ATP9B: variants seen among roughly 807,000 people sequenced by gnomAD.
ATP9B encodes the protein probable phospholipid-transporting ATPase IIB.
A neutral mutation model predicts 146.1 loss-of-function variants in ATP9B; 110 were observed. The ratio of observed to expected loss-of-function variants is 0.75; its 90% CI spans 0.65 to 0.88. The LOEUF (loss-of-function observed/expected upper bound fraction) is 0.88. ATP9B is among the 40% of genes least tolerant of loss of function. The pLI is 0.00. For missense variants in ATP9B, 1,499 were observed against 1,496.4 expected, an observed-to-expected ratio of 1.00 and a Z score of -0.03; for synonymous variants, 604 against 569.7, an observed-to-expected ratio of 1.06 and a Z score of -0.86.
intron 11 of ATP9B, among the ~76,000 whole-genome samples, chr18:79,225,964 A>G (rs192262158): frequency 6.6e-6 from 1 of 152,158 alleles, no homozygotes; most frequent in Non-Finnish European, 1.5e-5. Context: ...GCATCTTTCT[A>G]TTCTTGGCTC....
chr18:79,142,426 A>G (rs1040109837), intron 5 of ATP9B, among the ~76,000 whole-genome samples: 3 of 152,172 alleles, frequency 2.0e-5, no homozygotes, highest in African/African-American at 7.2e-5. Context: ...TGTTGATTAC[A>G]GAGAATGTGA....
intron 5 of ATP9B, among the ~76,000 whole-genome samples, chr18:79,133,508 AAC>A (rs370697424): frequency 0.15 from 22,302 of 147,374 alleles, 1,656 homozygotes; most frequent in East Asian, 0.21. Flanking sequence ...AGTGGTTATA[AAC>A]ACACACACAC....
intron 8 of ATP9B, among the ~76,000 whole-genome samples, chr18:79,183,805 A>C (rs2095277306): frequency 2.0e-5 from 3 of 147,898 alleles, no homozygotes; most frequent in Admixed American, 2.0e-4. Flanking sequence ...AAAAAAAAAA[A>C]GAAAAACAGT....
chr18:79,360,482 C>T (rs563177081), intron 26 of ATP9B: 1 of 152,132 alleles, frequency 6.6e-6, no homozygotes, highest in African/African-American at 2.4e-5. Context: ...AAACTAGACT[C>T]CTGTCTGTCT....
At chr18:79,242,279 C>T (rs1040779023) in intron 11 of ATP9B, among the ~76,000 whole-genome samples, 1 of 152,166 alleles carries the variant, frequency 6.6e-6, no homozygotes, top group Admixed American at 6.5e-5. Flanking sequence ...ATAGTCAGGG[C>T]ACTAGCCTAT....
At chr18:79,263,881 G>A (rs1037514378) in intron 12 of ATP9B, among the ~76,000 whole-genome samples, 13 of 152,152 alleles carry the variant, frequency 8.5e-5, no homozygotes, top group South Asian at 2.1e-4. Flanking sequence ...TCAGGAGATC[G>A]AGACCATCCT....
chr18:79,271,066 T>G (rs1009967255), intron 12 of ATP9B, among the ~76,000 whole-genome samples: 1 of 152,150 alleles, frequency 6.6e-6, no homozygotes, highest in Admixed American at 6.5e-5. Context: ...TCTCTGGTCT[T>G]TCTTTGATTC....
At chr18:79,204,050 A>G (rs1261742107) in intron 9 of ATP9B, among the ~76,000 whole-genome samples, 2 of 152,214 alleles carry the variant, frequency 1.3e-5, no homozygotes, top group African/African-American at 4.8e-5. Flanking sequence ...TGGTTGTTCT[A>G]TCAAATCATA....
At chr18:79,369,194 C>T (rs555018811) in intron 26 of ATP9B, among the ~76,000 whole-genome samples, 5 of 151,596 alleles carry the variant, frequency 3.3e-5, no homozygotes, top group South Asian at 4.2e-4. Flanking sequence ...GTCAGGAGAT[C>T]GAGACCATCC....
In ATP9B at chr18:79,168,093, C is replaced by T. The variant is rs569328000; in HGVS notation, c.779-8720C>T. ...ATGGAGCATGCAGCCCTAGGCACAC[C>T]TCCCTCATTGCAGTCTTCGCAGCCG... On this transcript the variant is annotated intron_variant, in intron 7 of 29. Transcript: ENST00000426216. Among the ~76,000 whole-genome samples the T allele has an allele frequency of 6.4e-4, 97 of 152,344 alleles. 2 individuals are homozygous for T. Among genetic ancestry groups the T allele is most frequent in the Admixed American group, 5.9e-4 (9 of 15,312 alleles).
intron 13 of ATP9B, among the ~76,000 whole-genome samples, chr18:79,280,159 A>G (rs1037312565): frequency 2.0e-5 from 3 of 152,252 alleles, no homozygotes; most frequent in Non-Finnish European, 4.4e-5. Context: ...AGCAGTGACG[A>G]TGGAGTACGG....
In ATP9B at chr18:79,348,075, G is replaced by A. The variant is rs1000759084; in HGVS notation, c.2839-57G>A. 25 of 1,608,778 alleles carry A rather than the reference G, an allele frequency of 1.6e-5. 1 individual carries two copies. Among genetic ancestry groups the A allele is most frequent in the Non-Finnish European group, 8.5e-7 (1 of 1,175,602 alleles). On this transcript the variant is annotated intron_variant, in intron 24 of 29. Coordinates refer to ENST00000426216, the MANE Select transcript of ATP9B (RefSeq NM_198531.5). ...GTTAGCGAGGCCCCTGAGAGGCTTG[G>A]GGCCACAGGTGCTCGTGGAACTGAC...
chr18:79,235,152 C>T (rs567832902), intron 11 of ATP9B, among the ~76,000 whole-genome samples: 1 of 152,328 alleles, frequency 6.6e-6, no homozygotes, highest in African/African-American at 2.4e-5. Context: ...GGTTGGATTA[C>T]AGGTGTGAGC....
chr18:79,142,755 A>G (rs2094529434), intron 5 of ATP9B, among the ~76,000 whole-genome samples: 1 of 152,256 alleles, frequency 6.6e-6, no homozygotes, highest in African/African-American at 2.4e-5. Context: ...AGAAAAAACT[A>G]CAACATAATG....
At chr18:79,095,983 G>A (rs2074745436) in intron 1 of ATP9B, among the ~76,000 whole-genome samples, 1 of 152,186 alleles carries the variant, frequency 6.6e-6, no homozygotes, top group Non-Finnish European at 1.5e-5. Flanking sequence ...TAAACTGTCA[G>A]CAAACCAAGG....
intron 11 of ATP9B, among the ~76,000 whole-genome samples, chr18:79,251,111 A>T (rs1398176592): frequency 6.6e-6 from 1 of 152,234 alleles, no homozygotes; most frequent in East Asian, 1.9e-4. Context: ...TCACTATTTC[A>T]TATAAAACTG....
At chr18:79,195,859 T>C (rs1568377865) in intron 9 of ATP9B, among the ~76,000 whole-genome samples, 1 of 152,114 alleles carries the variant, frequency 6.6e-6, no homozygotes, top group South Asian at 2.1e-4. Flanking sequence ...ATGTGGAAGA[T>C]TGGCAAGAAA....
intron 25 of ATP9B, 52 bp downstream of exon 25, chr18:79,348,248 GAAAA>G (rs56654324): frequency 0.063 from 50,737 of 805,620 alleles, 245 homozygotes; most frequent in Middle Eastern, 0.071. Context: ...CTTCTATTTT[GAAAA>G]AAAAAAAAAA....
chr18:79,139,558 T>C (rs1599838923), intron 5 of ATP9B, among the ~76,000 whole-genome samples: 1 of 152,350 alleles, frequency 6.6e-6, no homozygotes, highest in East Asian at 1.9e-4. Flanking sequence ...TGTGAGTACA[T>C]AGTAGGTATA....
Sources: allele counts gnomAD v4.1 joint callset (sites outside exome capture counted in the v4.1 genomes callset), GRCh38; gene constraint gnomAD v4.1.1; transcripts MANE v1.5; gene names NCBI Gene and HGNC (gene_info 2026-07-23, HGNC 2026-07-21).